SLC4A4: variants seen among roughly 807,000 people sequenced by gnomAD.
The protein encoded by SLC4A4 is electrogenic sodium bicarbonate cotransporter 1.
A neutral mutation model predicts 111.5 loss-of-function variants in SLC4A4; 27 were observed. The ratio of observed to expected loss-of-function variants is 0.24; its 90% CI spans 0.18 to 0.33. SLC4A4 has a LOEUF of 0.33. Ranked by LOEUF, SLC4A4 falls within the 10% of genes least tolerant of loss-of-function variation. The pLI is 1.00. For synonymous variants in SLC4A4, 443 were observed against 463.4 expected (o/e 0.96, Z 0.57); for missense variants, 909 against 1,315.5 (o/e 0.69, Z 4.78).
At position 71,093,876 on chromosome 4, in the gene SLC4A4, T is replaced by C. The variant is rs527541553; in HGVS notation, c.-2+1084T>C. 5.1e-4 allele frequency among the ~76,000 whole-genome samples: 77 copies of C among 152,288 alleles called. 1 individual carries two copies. Among genetic ancestry groups the C allele is most frequent in the Admixed American group, 1.1e-3 (17 of 15,290 alleles). ...ATAGAAACAAACTGGAGAGAAGTAATGAGACACCATTTGGGATTGTTGGCA... is the reference window on the plus strand; with the variant it reads ...ATAGAAACAAACTGGAGAGAAGTAACGAGACACCATTTGGGATTGTTGGCA... On this transcript the variant is annotated intron_variant, in intron 2 of 26. Transcript: ENST00000649996.
chr4:71,450,304 TG>T, intron 9 of SLC4A4, 84 bp from the exon 10 acceptor site: 1 of 953,890 alleles, frequency 1.0e-6, no homozygotes, highest in Non-Finnish European at 1.7e-6. Context: ...ACAGTTGTTA[TG>T]GGCTGCATTC....
At chr4:71,317,568 A>G (rs1726786481) in intron 3 of SLC4A4, among the ~76,000 whole-genome samples, 1 of 152,126 alleles carries the variant, frequency 6.6e-6, no homozygotes, top group African/African-American at 2.4e-5. Context: ...TTTTAAAAAG[A>G]AAAACAAGCA....
chr4:71,527,273 T>C (rs182012282), intron 16 of SLC4A4, among the ~76,000 whole-genome samples: 28 of 152,084 alleles, frequency 1.8e-4, no homozygotes, highest in African/African-American at 6.3e-4. Context: ...TGAGATAAAA[T>C]GGTGGCTTAA....
intron 6 of SLC4A4, among the ~76,000 whole-genome samples, chr4:71,376,192 CAT>C (rs1553900732): frequency 1.6e-4 from 23 of 146,534 alleles, no homozygotes; most frequent in African/African-American, 5.6e-4. Context: ...CACACACACA[CAT>C]ATATATGTGT....
At chr4:71,223,442 C>G (rs954650737) in intron 1 of SLC4A4, among the ~76,000 whole-genome samples, 2 of 152,122 alleles carry the variant, frequency 1.3e-5, no homozygotes, top group Non-Finnish European at 2.9e-5. Context: ...GTTTTACAGG[C>G]GTGAGCCACC....
At chr4:71,170,692 C>T (rs138278707) in intron 2 of SLC4A4, among the ~76,000 whole-genome samples, 58 of 152,274 alleles carry the variant, frequency 3.8e-4, no homozygotes, top group African/African-American at 1.3e-3. Context: ...CCTACTTTCA[C>T]AGAGCCTAAA....
At chr4:71,494,238 G>T (rs143897627) in intron 15 of SLC4A4, among the ~76,000 whole-genome samples, 3 of 152,000 alleles carry the variant, frequency 2.0e-5, no homozygotes, top group Non-Finnish European at 4.4e-5. Flanking sequence ...TACACGCATC[G>T]TAAGGAAAAC....
chr4:71,476,265 A>G (rs1728362948), intron 14 of SLC4A4, among the ~76,000 whole-genome samples: 1 of 151,858 alleles, frequency 6.6e-6, no homozygotes, highest in African/African-American at 2.4e-5. Flanking sequence ...TCATCAATTT[A>G]GTATTTCTTG....
intron 2 of SLC4A4, among the ~76,000 whole-genome samples, chr4:71,168,597 C>A (rs1334399221): frequency 6.6e-6 from 1 of 151,344 alleles, no homozygotes; most frequent in Non-Finnish European, 1.5e-5. Context: ...TCCCCACTTT[C>A]CCCCACCACC....
chr4:71,408,667 CTT>C (rs1245946130), intron 7 of SLC4A4, among the ~76,000 whole-genome samples: 3 of 152,214 alleles, frequency 2.0e-5, no homozygotes, highest in African/African-American at 7.2e-5. Context: ...CCAAATTTCT[CTT>C]TTTCTCTCTA....
At chr4:71,483,720 G>A (rs904091746) in intron 14 of SLC4A4, among the ~76,000 whole-genome samples, 6 of 151,728 alleles carry the variant, frequency 4.0e-5, no homozygotes, top group Non-Finnish European at 5.9e-5. Flanking sequence ...AATGTTATTT[G>A]TGTCTCTAGG....
At chr4:71,333,010 G>A (rs1462681838) in intron 3 of SLC4A4, among the ~76,000 whole-genome samples, 1 of 152,182 alleles carries the variant, frequency 6.6e-6, no homozygotes, top group Non-Finnish European at 1.5e-5. Context: ...ACTTGGGATT[G>A]GTCATTGGTA....
rs201652548 is a variant in SLC4A4 at position 71,093,867 on chromosome 4, G to A, written c.-2+1075G>A. 1.2e-4 allele frequency among the ~76,000 whole-genome samples: 18 copies of A among 152,260 alleles called. No individual in the cohort carries two copies. The East Asian group carries it at 3.3e-3, about 28-fold the overall frequency. Reference sequence around the variant, plus strand: ...TATCTTCAAATAGAAACAAACTGGAGAGAAGTAATGAGACACCATTTGGGA... The same window carrying A: ...TATCTTCAAATAGAAACAAACTGGAAAGAAGTAATGAGACACCATTTGGGA... On this transcript the variant is annotated intron_variant, in intron 2 of 26. Coordinates refer to the SLC4A4 transcript ENST00000649996.
chr4:71,480,391 A>T (rs575544418), intron 14 of SLC4A4, among the ~76,000 whole-genome samples: 3 of 151,568 alleles, frequency 2.0e-5, no homozygotes, highest in Non-Finnish European at 3.0e-5. Flanking sequence ...AAAAAGAAAA[A>T]CTTACTACTG....
chr4:71,490,574 T>A lies in SLC4A4; in HGVS notation c.1974+3556T>A, dbSNP rs150758611. The stretch of plus-strand genomic sequence containing the variant: ...GATACCTGAGCCCTTTCCAAAGTGG[T>A]TGAATGCCTCAGAGAAGTTTCTCTC... On this transcript the variant is annotated intron_variant, in intron 15 of 25. Transcript: ENST00000264485. Among the ~76,000 whole-genome samples the A allele has an allele frequency of 2.6e-5, 4 of 151,962 alleles. No individual in the cohort carries two copies. The East Asian group carries it at 7.8e-4, about 30-fold the overall frequency.
chr4:71,396,612 A>G (rs958111944), intron 6 of SLC4A4, among the ~76,000 whole-genome samples: 9 of 152,224 alleles, frequency 5.9e-5, no homozygotes, highest in Non-Finnish European at 8.8e-5. Flanking sequence ...AGTTGGGTCA[A>G]ACATCTTGGC....
chr4:71,151,212 T>C (rs1358685232), intron 2 of SLC4A4, among the ~76,000 whole-genome samples: 2 of 152,232 alleles, frequency 1.3e-5, no homozygotes, highest in Non-Finnish European at 2.9e-5. Flanking sequence ...CGTCTACTGG[T>C]TTGCTGCCAA....
At chr4:71,238,887 G>A (rs561112721) in intron 2 of SLC4A4, among the ~76,000 whole-genome samples, 17 of 152,150 alleles carry the variant, frequency 1.1e-4, no homozygotes, top group Middle Eastern at 3.4e-3. Flanking sequence ...ATGGACAGGG[G>A]TTTTTTGGCA....
At chr4:71,296,136 A>G (rs1191553535) in intron 3 of SLC4A4, among the ~76,000 whole-genome samples, 1 of 151,066 alleles carries the variant, frequency 6.6e-6, no homozygotes, top group Admixed American at 6.6e-5. Context: ...CTTTCTTTTT[A>G]TACCTTATAC....
Sources: allele counts gnomAD v4.1 joint callset (sites outside exome capture counted in the v4.1 genomes callset), GRCh38; gene constraint gnomAD v4.1.1; transcripts MANE v1.5; gene names NCBI Gene and HGNC (gene_info 2026-07-23, HGNC 2026-07-21).